CCDC39: variants seen among roughly 807,000 people sequenced by gnomAD.
CCDC39 encodes the protein coiled-coil domain 39 molecular ruler complex subunit.
Under a neutral mutation model 121.0 loss-of-function variants are expected in CCDC39, and 113 were observed. The observed-to-expected ratio is 0.93, with a 90% CI of 0.80 to 1.09. The LOEUF (loss-of-function observed/expected upper bound fraction) is 1.09. Among genes scored for constraint, CCDC39 ranks in the 50% least tolerant of loss-of-function variants. The pLI is 0.00. For missense variants in CCDC39, 1,063 were observed against 1,074.7 expected (o/e 0.99, Z 0.15); for synonymous variants, 349 against 352.2 (o/e 0.99, Z 0.10).
intron 1 of CCDC39, among the ~76,000 whole-genome samples, chr3:180,670,961 C>T (rs1226268552): frequency 6.6e-6 from 1 of 152,002 alleles, no homozygotes; most frequent in Non-Finnish European, 1.5e-5. Flanking sequence ...CCTGTAATCC[C>T]AACATATTGG....
chr3:180,660,150 A>G (rs1308773958), intron 4 of CCDC39, among the ~76,000 whole-genome samples: 1 of 152,108 alleles, frequency 6.6e-6, no homozygotes, highest in Non-Finnish European at 1.5e-5. Flanking sequence ...AGTGATTTTT[A>G]TAACATAATC....
intron 16 of CCDC39, among the ~76,000 whole-genome samples, chr3:180,618,418 T>A (rs556497225): frequency 3.3e-4 from 51 of 152,260 alleles, no homozygotes; most frequent in South Asian, 1.2e-3. Flanking sequence ...CTTTTTTTTT[T>A]AATTATACTT....
intron 16 of CCDC39, among the ~76,000 whole-genome samples, chr3:180,618,847 G>C (rs1236284007): frequency 6.6e-6 from 1 of 152,096 alleles, no homozygotes; most frequent in East Asian, 1.9e-4. Context: ...TTGCTATTGT[G>C]AATAGACAAT....
intron 16 of CCDC39, 135 bp from the exon 17 acceptor site, chr3:180,617,101 C>T: frequency 3.5e-6 from 2 of 573,902 alleles, no homozygotes; most frequent in Non-Finnish European, 5.9e-6. Context: ...TGATGTACCT[C>T]TTAATGACAT....
At chr3:180,632,305 G>A (rs1717719832) in intron 13 of CCDC39, among the ~76,000 whole-genome samples, 1 of 152,064 alleles carries the variant, frequency 6.6e-6, no homozygotes, top group Non-Finnish European at 1.5e-5. Context: ...TATATTTTAT[G>A]AGCTATTTTT....
At chr3:180,652,391 A>AT (rs1250289730) in intron 7 of CCDC39, 125 bp from the exon 8 acceptor site, 3 of 503,338 alleles carry the variant, frequency 6.0e-6, no homozygotes, top group East Asian at 3.6e-5. Flanking sequence ...AGTAGTAGCC[A>AT]TTTTTTTATA....
chr3:180,669,509 A>C (rs1189098282), intron 1 of CCDC39, among the ~76,000 whole-genome samples: 1 of 152,048 alleles, frequency 6.6e-6, no homozygotes, highest in Non-Finnish European at 1.5e-5. Context: ...TTAATTCTTA[A>C]TATACTTGCA....
chr3:180,649,560 C>A (rs1311305830), intron 9 of CCDC39, among the ~76,000 whole-genome samples: 3 of 152,086 alleles, frequency 2.0e-5, no homozygotes, highest in Non-Finnish European at 2.9e-5. Flanking sequence ...GGTTTAAGAT[C>A]TTCTCAAAGA....
chr3:180,666,879 G>A (rs964467422), intron 1 of CCDC39, among the ~76,000 whole-genome samples: 3 of 150,170 alleles, frequency 2.0e-5, no homozygotes, highest in Admixed American at 2.0e-4. Flanking sequence ...TTACACATAC[G>A]CACACACACA....
At chr3:180,678,747 T>TGA in intron 1 of CCDC39, among the ~76,000 whole-genome samples, 1 of 152,240 alleles carries the variant, frequency 6.6e-6, no homozygotes, top group South Asian at 2.1e-4. Flanking sequence ...CTGTGACAAC[T>TGA]CAATCTTCTC....
chr3:180,654,292 C>G (rs1392987770), intron 7 of CCDC39, among the ~76,000 whole-genome samples: 1 of 136,746 alleles, frequency 7.3e-6, no homozygotes, highest in Non-Finnish European at 1.6e-5. Flanking sequence ...AAAATTAATT[C>G]AAAATGAATT....
intron 1 of CCDC39, among the ~76,000 whole-genome samples, chr3:180,668,365 T>A (rs1711944981): frequency 6.6e-6 from 1 of 152,058 alleles, no homozygotes; most frequent in Admixed American, 6.6e-5. Flanking sequence ...CGCAAAAAAA[T>A]GAGACCCTGT....
Position 180,614,187 on chromosome 3 carries a change from A to G in CCDC39, c.*734T>C, listed in dbSNP as rs148310806. On this transcript the variant is annotated 3_prime_UTR_variant, in exon 20 of 20. Transcript: ENST00000476379. ...GCAAATCAAGTCATACCTAGCTTTC[A>G]TTAAATCGTTTATTAAATCAAGAAA... The G allele has an allele frequency of 1.5e-4, 24 of 160,564 alleles. No individual in the cohort carries two copies. In the East Asian group the frequency reaches 4.3e-3, roughly 29 times the overall value. The allele number at this position is 160,564 out of a possible 1,614,324, so 9.9% of individuals were successfully genotyped here.
intron 1 of CCDC39, among the ~76,000 whole-genome samples, chr3:180,671,287 T>C (rs1712040284): frequency 6.6e-6 from 1 of 151,974 alleles, no homozygotes; most frequent in African/African-American, 2.4e-5. Flanking sequence ...ACCACCCTTG[T>C]TTTAGAAACT....
At chr3:180,668,194 A>G (rs1159860174) in intron 1 of CCDC39, among the ~76,000 whole-genome samples, 1 of 152,096 alleles carries the variant, frequency 6.6e-6, no homozygotes, top group Non-Finnish European at 1.5e-5. Context: ...TCTTGCAAAC[A>G]TGGCAAAACC....
At chr3:180,649,642 G>A (rs1390992908) in intron 9 of CCDC39, among the ~76,000 whole-genome samples, 1 of 152,032 alleles carries the variant, frequency 6.6e-6, no homozygotes, top group East Asian at 1.9e-4. Flanking sequence ...AGATAGGGTT[G>A]GGATTTTTTC....
intron 2 of CCDC39, among the ~76,000 whole-genome samples, chr3:180,662,830 G>A (rs1711775819): frequency 6.6e-6 from 1 of 152,042 alleles, no homozygotes; most frequent in Non-Finnish European, 1.5e-5. Context: ...TATCTATATT[G>A]ATTATAAATT....
chr3:180,625,022 T>C (rs1371752691), intron 14 of CCDC39, among the ~76,000 whole-genome samples: 1 of 152,146 alleles, frequency 6.6e-6, no homozygotes, highest in African/African-American at 2.4e-5. Context: ...TTTTGAAATG[T>C]ATTTTCCTGG....
chr3:180,671,741 A>G (rs1712053231), intron 1 of CCDC39, among the ~76,000 whole-genome samples: 1 of 152,178 alleles, frequency 6.6e-6, no homozygotes, highest in South Asian at 2.1e-4. Context: ...AGCCTAATCC[A>G]GAGAAGGGCC....
Sources: gnomAD v4.1 joint callset for allele counts (sites outside exome capture counted in the v4.1 genomes callset) on GRCh38, gnomAD v4.1.1 for gene constraint, MANE v1.5 for transcripts, NCBI Gene and HGNC (gene_info 2026-07-23, HGNC 2026-07-21) for gene names.